The following NDRG3 variants were observed in gnomAD, a reference collection of about 807,000 sequenced individuals.
NDRG3 encodes protein NDRG3.
NDRG3 carries 23 observed loss-of-function variants against 57.2 expected under a neutral mutation model. That is an observed-to-expected ratio of 0.40 (90% confidence interval 0.29 to 0.57). NDRG3 has a LOEUF of 0.57. Ranked by LOEUF, NDRG3 falls within the 20% of genes least tolerant of loss-of-function variation. The probability of loss-of-function intolerance (pLI) is 0.42; values close to 1 mark genes in which losing one functional copy is unlikely to be tolerated. For missense variants in NDRG3, 384 were observed against 457.3 expected, an observed-to-expected ratio of 0.84 and a Z score of 1.46; for synonymous variants, 132 against 162.6, an observed-to-expected ratio of 0.81 and a Z score of 1.43.
At chr20:36,677,642 A>G (rs534021304) in intron 8 of NDRG3, among the ~76,000 whole-genome samples, 1 of 152,280 alleles carries the variant, frequency 6.6e-6, no homozygotes, top group South Asian at 2.1e-4. Context: ...ACCTGCAGAG[A>G]AGTCGGAATG....
chr20:36,700,271 C>T (rs575784630), intron 3 of NDRG3, among the ~76,000 whole-genome samples: 3 of 152,210 alleles, frequency 2.0e-5, no homozygotes, highest in South Asian at 4.2e-4. Flanking sequence ...ATAATATGCC[C>T]TCAAGTCATG....
intron 9 of NDRG3, 86 bp downstream of exon 9, chr20:36,671,255 T>C (rs1980123351): frequency 4.4e-6 from 5 of 1,136,534 alleles, no homozygotes; most frequent in Non-Finnish European, 3.9e-6. Flanking sequence ...AGGTAAATTC[T>C]AAGGCAGCCC....
chr20:36,712,127 G>A (rs759872302), intron 2 of NDRG3, among the ~76,000 whole-genome samples: 19 of 151,522 alleles, frequency 1.3e-4, no homozygotes, highest in Middle Eastern at 3.4e-3. Flanking sequence ...TTTTGAGAGC[G>A]ATCCCAGACC....
At chr20:36,715,509 G>A (rs1473364246) in intron 2 of NDRG3, among the ~76,000 whole-genome samples, 6 of 140,862 alleles carry the variant, frequency 4.3e-5, no homozygotes, top group Non-Finnish European at 3.1e-5. Flanking sequence ...CTCCCCCTAG[G>A]TTTTTTTTTT....
chr20:36,712,111 GT>G lies in NDRG3; in HGVS notation c.58-5105del, dbSNP rs943034514. ...TTGTTTTTTTGTTTTTTTTGTTGTT[GT>G]TTTTTTTTGAGAGCGATCCCAGACC... On this transcript the variant is annotated intron_variant, in intron 2 of 15. Coordinates refer to ENST00000349004, the MANE Select transcript of NDRG3 (RefSeq NM_032013.4). Among the ~76,000 whole-genome samples, 7 of 149,886 alleles carry G rather than the reference GT, an allele frequency of 4.7e-5. No homozygotes were observed. In the East Asian group the frequency reaches 9.8e-4, roughly 21 times the overall value.
chr20:36,682,388 T>G (rs1217416339), intron 7 of NDRG3, 130 bp downstream of exon 7: 2 of 688,386 alleles, frequency 2.9e-6, no homozygotes, highest in Admixed American at 2.7e-5. Flanking sequence ...AACCTGTATC[T>G]AAAGCTGACA....
chr20:36,699,147 A>G (rs1983043056), intron 3 of NDRG3, among the ~76,000 whole-genome samples: 1 of 151,996 alleles, frequency 6.6e-6, no homozygotes, highest in Non-Finnish European at 1.5e-5. Flanking sequence ...CGGGGTCTCC[A>G]TATTTGCCCA....
chr20:36,729,247 T>A (rs1489839133), intron 1 of NDRG3, among the ~76,000 whole-genome samples: 1 of 152,096 alleles, frequency 6.6e-6, no homozygotes, highest in East Asian at 1.9e-4. Context: ...GCCCTCACTA[T>A]CTCAGTAGTT....
intron 13 of NDRG3, among the ~76,000 whole-genome samples, chr20:36,657,125 TA>T (rs1978742673): frequency 6.6e-6 from 1 of 152,228 alleles, no homozygotes; most frequent in Non-Finnish European, 1.5e-5. Flanking sequence ...AAGGACTTGT[TA>T]AAACTCAGAT....
intron 3 of NDRG3, among the ~76,000 whole-genome samples, chr20:36,697,338 T>C (rs1003161576): frequency 6.6e-6 from 1 of 152,150 alleles, no homozygotes. Flanking sequence ...CTGGTGCTCA[T>C]TTCTCTTCCT....
At chr20:36,706,807 C>A (rs556460061) in intron 3 of NDRG3, among the ~76,000 whole-genome samples, 165 bp downstream of exon 3, 2 of 152,058 alleles carry the variant, frequency 1.3e-5, no homozygotes, top group Non-Finnish European at 2.9e-5. Flanking sequence ...CAGTGGCCAA[C>A]AATTGCAAAT....
chr20:36,733,192 A>G (rs1406799381), intron 1 of NDRG3, among the ~76,000 whole-genome samples: 1 of 70,166 alleles, frequency 1.4e-5, no homozygotes. Context: ...ATATATATAT[A>G]TATATATATA....
chr20:36,715,068 T>C (rs1379213851), intron 2 of NDRG3, among the ~76,000 whole-genome samples: 1 of 136,608 alleles, frequency 7.3e-6, no homozygotes, highest in East Asian at 2.2e-4. Flanking sequence ...TATTTAAGTA[T>C]CTATAGCAAT....
chr20:36,668,001 A>T (rs1259223327), intron 9 of NDRG3, among the ~76,000 whole-genome samples: 1 of 152,184 alleles, frequency 6.6e-6, no homozygotes, highest in African/African-American at 2.4e-5. Context: ...GCACTTTAGG[A>T]GGCTGAGGCA....
At chr20:36,739,156 A>G (rs1456549847) in intron 1 of NDRG3, among the ~76,000 whole-genome samples, 1 of 142,966 alleles carries the variant, frequency 7.0e-6, no homozygotes, top group African/African-American at 2.6e-5. Flanking sequence ...AAAAAAAAAA[A>G]AAAAAAAAAA....
intron 2 of NDRG3, among the ~76,000 whole-genome samples, chr20:36,710,243 G>A (rs1250983834): frequency 6.6e-6 from 1 of 152,140 alleles, no homozygotes; most frequent in Non-Finnish European, 1.5e-5. Flanking sequence ...AGGATCACTT[G>A]AGCCCAGGAG....
At chr20:36,714,503 G>A (rs1014085618) in intron 2 of NDRG3, among the ~76,000 whole-genome samples, 7 of 147,804 alleles carry the variant, frequency 4.7e-5, no homozygotes, top group African/African-American at 1.5e-4. Context: ...GTGCAATAGC[G>A]CGATCTCGAC....
intron 10 of NDRG3, among the ~76,000 whole-genome samples, chr20:36,665,662 G>A (rs771325089): frequency 1.3e-5 from 2 of 152,078 alleles, no homozygotes; most frequent in Non-Finnish European, 2.9e-5. Context: ...GCAGTGGCAC[G>A]ATCTCAGCTC....
chr20:36,660,762 G>A (rs1176877506), intron 12 of NDRG3, among the ~76,000 whole-genome samples: 9 of 151,864 alleles, frequency 5.9e-5, no homozygotes, highest in African/African-American at 1.7e-4. Flanking sequence ...GGGTTTCACC[G>A]TGTTAGCCAG....
Sources: allele counts gnomAD v4.1 joint callset (sites outside exome capture counted in the v4.1 genomes callset), GRCh38; gene constraint gnomAD v4.1.1; transcripts MANE v1.5; gene names NCBI Gene and HGNC (gene_info 2026-07-23, HGNC 2026-07-21).